The following GFPT2 variants were observed in gnomAD, a reference collection of about 807,000 sequenced individuals.
GFPT2 encodes the protein glutamine--fructose-6-phosphate transaminase 2.
In GFPT2, 62 loss-of-function variants were observed where a neutral mutation model predicts 85.6. That is an observed-to-expected ratio of 0.72 (90% CI 0.59 to 0.90). The LOEUF is 0.90. Among genes scored for constraint, GFPT2 ranks in the 40% least tolerant of loss-of-function variants. The pLI is 0.00. For synonymous variants in GFPT2, 368 were observed against 344.5 expected, an observed-to-expected ratio of 1.07 and a Z score of -0.75; for missense variants, 788 against 893.4, an observed-to-expected ratio of 0.88 and a Z score of 1.50.
chr5:180,346,043 G>A (rs942311803), intron 1 of GFPT2, among the ~76,000 whole-genome samples: 1 of 151,864 alleles, frequency 6.6e-6, no homozygotes, highest in Non-Finnish European at 1.5e-5. Flanking sequence ...CTAATCAAAT[G>A]AGCCAGGGCC....
At chr5:180,322,492 C>T (rs1240977525) in intron 9 of GFPT2, among the ~76,000 whole-genome samples, 2 of 151,794 alleles carry the variant, frequency 1.3e-5, no homozygotes, top group African/African-American at 4.8e-5. Context: ...TTTGGTTCAC[C>T]TAACGTTTGC....
At chr5:180,321,550 A>G (rs1351030632) in intron 9 of GFPT2, among the ~76,000 whole-genome samples, 1 of 152,180 alleles carries the variant, frequency 6.6e-6, no homozygotes. Flanking sequence ...GAGGTCTGTC[A>G]TGATTATCGC....
At chr5:180,304,643 G>A (rs1763741021) in intron 17 of GFPT2, 129 bp downstream of exon 17, 5 of 849,018 alleles carry the variant, frequency 5.9e-6, no homozygotes, top group Non-Finnish European at 9.5e-6. Context: ...GGCGGCCCGG[G>A]GGAGGGTGTG....
In GFPT2 at chr5:180,336,507, T is replaced by C. The variant is rs767612073; in HGVS notation, c.186A>G (p.Lys62=). ...RHIQLVKKRG[K]VKALDEELYK... ...AAAGTTCTTCATCGAGAGCCTTGAC[T>C]TTCCCCCTTTTCTTGACCAGCTGAA... Residue 62 remains lysine (K), a synonymous_variant, in exon 3 of 19, where the codon AAA becomes AAG. Transcript: ENST00000253778. The C allele has an allele frequency of 1.7e-5, 28 of 1,608,420 alleles. No homozygotes were observed. In the Admixed American group the frequency reaches 2.3e-4, roughly 13 times the overall value.
intron 1 of GFPT2, among the ~76,000 whole-genome samples, chr5:180,341,033 T>A (rs1217970760): frequency 6.6e-6 from 1 of 152,106 alleles, no homozygotes; most frequent in Non-Finnish European, 1.5e-5. Context: ...CACAGGGTCA[T>A]CCTATGCTCA....
In GFPT2 at chr5:180,330,873, T is replaced by C. The variant is rs778367014; in HGVS notation, c.400-39A>G. 3 of 1,602,488 alleles carry C rather than the reference T, an allele frequency of 1.9e-6. No individual in the cohort carries two copies. The highest frequency in any genetic ancestry group is 1.1e-5 in the South Asian group (1 of 90,342). ...TCGGCACAGTGTGAGAGATTGGTCATTGCACAATGCCTGCCTGGCCAACTC... is the reference window on the plus strand; with the variant it reads ...TCGGCACAGTGTGAGAGATTGGTCACTGCACAATGCCTGCCTGGCCAACTC... On this transcript the variant is annotated intron_variant, in intron 5 of 18. Transcript: ENST00000253778. The surrounding 1 kb of genome is among the most constrained non-coding windows in gnomAD (Gnocchi z 4.4).
Position 180,318,780 on chromosome 5 carries a change from G to A in GFPT2, c.958+13C>T. Reference sequence around the variant, plus strand: ...CCCGAGGCTGCCGCACGTGGACTCTGGAGGACACCTGCCTTTCATGATTTG... The same window carrying A: ...CCCGAGGCTGCCGCACGTGGACTCTAGAGGACACCTGCCTTTCATGATTTG... On this transcript the variant is annotated intron_variant, in intron 10 of 18. Transcript: ENST00000253778. This position sits in a 1 kb window ranked among gnomAD's most constrained non-coding sequence, Gnocchi z 4.2. 6.2e-7 allele frequency: 1 copy of A among 1,612,028 alleles called. No individual in the cohort carries two copies. Among genetic ancestry groups the A allele is most frequent in the Non-Finnish European group, 8.5e-7 (1 of 1,178,570 alleles).
At chr5:180,352,886 GGGACCCC>G (rs1327257483) in intron 1 of GFPT2, 10 of 449,510 alleles carry the variant, frequency 2.2e-5, no homozygotes, top group African/African-American at 2.1e-4. Context: ...GCATGGGGTG[GGGACCCC>G]TCTGTTACGG....
At chr5:180,335,462 C>T (rs1444498912) in intron 4 of GFPT2, among the ~76,000 whole-genome samples, 2 of 152,234 alleles carry the variant, frequency 1.3e-5, no homozygotes, top group African/African-American at 4.8e-5. Flanking sequence ...CTGAAGGGTA[C>T]ACCCTTCTGC....
At chr5:180,303,654 G>A (rs1477536243) in intron 17 of GFPT2, among the ~76,000 whole-genome samples, 1 of 152,156 alleles carries the variant, frequency 6.6e-6, no homozygotes, top group Non-Finnish European at 1.5e-5. Context: ...ATCTGGATGG[G>A]GCACCTCATT....
chr5:180,313,540 A>G (rs1052656987), intron 14 of GFPT2, among the ~76,000 whole-genome samples: 4 of 151,808 alleles, frequency 2.6e-5, no homozygotes, highest in African/African-American at 4.8e-5. Context: ...CAGTGAGCCG[A>G]GATCGCGCCC....
chr5:180,313,431 A>G (rs1226575102), intron 14 of GFPT2, among the ~76,000 whole-genome samples: 3 of 146,904 alleles, frequency 2.0e-5, no homozygotes, highest in Non-Finnish European at 3.0e-5. Context: ...CTCTACTAAA[A>G]ATACAAAAAA....
chr5:180,314,987 C>T (rs1410779355), intron 13 of GFPT2, among the ~76,000 whole-genome samples: 2 of 152,180 alleles, frequency 1.3e-5, no homozygotes, highest in Non-Finnish European at 2.9e-5. Flanking sequence ...AACACGGCAG[C>T]AGCTCCTGCG....
At chr5:180,350,367 C>G (rs914866155) in intron 1 of GFPT2, among the ~76,000 whole-genome samples, 2 of 152,172 alleles carry the variant, frequency 1.3e-5, no homozygotes, top group Non-Finnish European at 2.9e-5. Context: ...AGGTTTAAAC[C>G]CTGTGCACCA....
At chr5:180,327,949 A>G (rs1180341700) in intron 7 of GFPT2, among the ~76,000 whole-genome samples, 4 of 152,312 alleles carry the variant, frequency 2.6e-5, no homozygotes, top group African/African-American at 9.6e-5. Context: ...CACATTGTAC[A>G]GGCTTCAAGC....
intron 17 of GFPT2, among the ~76,000 whole-genome samples, chr5:180,303,952 C>G (rs548105824): frequency 8.5e-5 from 13 of 152,322 alleles, no homozygotes; most frequent in African/African-American, 3.1e-4. Flanking sequence ...GGCTTTGAGA[C>G]ATGAGCCTGT....
intron 7 of GFPT2, 92 bp from the exon 8 acceptor site, chr5:180,324,987 A>G (rs1764187006): frequency 2.4e-6 from 2 of 828,980 alleles, no homozygotes; most frequent in Admixed American, 3.5e-5. Context: ...CCCCAAATCT[A>G]GCCCTTTCCC....
chr5:180,316,596 C>A lies in GFPT2; in HGVS notation c.1153-135G>T, dbSNP rs1001284577. On this transcript the variant is annotated intron_variant, in intron 12 of 18. Transcript: ENST00000253778. ...GTGGCGAGGGGACTTCGGTCACCCA[C>A]AGGCCACCTCGAAGATAAAAGGGCT... The A allele has an allele frequency of 1.1e-5, 11 of 1,012,734 alleles. No homozygotes were observed. The African/African-American group carries it at 1.6e-4, about 15-fold the overall frequency. The allele number at this position is 1,012,734 out of a possible 1,614,324, so 62.7% of individuals were successfully genotyped here.
Position 180,311,430 on chromosome 5 carries a change from A to G in GFPT2, c.1546+1000T>C, listed in dbSNP as rs1156290309. The stretch of plus-strand genomic sequence containing the variant: ...GAAGAAAGGGGAGGCCACGGTCCCC[A>G]AGGAGGTCATGATTTAGTGCAACAG... On this transcript the variant is annotated intron_variant, in intron 15 of 18. Coordinates refer to ENST00000253778, the MANE Select transcript of GFPT2 (RefSeq NM_005110.4). 2.6e-5 allele frequency among the ~76,000 whole-genome samples: 4 copies of G among 152,342 alleles called. No homozygotes were observed. The East Asian group carries it at 5.8e-4, about 22-fold the overall frequency.
Sources: allele counts gnomAD v4.1 joint callset (sites outside exome capture counted in the v4.1 genomes callset), GRCh38; gene constraint gnomAD v4.1.1; non-coding constraint Gnocchi (gnomAD v3.1); transcripts MANE v1.5; gene names NCBI Gene and HGNC (gene_info 2026-07-23, HGNC 2026-07-21).